SLC12A6: variants seen among roughly 807,000 people sequenced by gnomAD.
The protein encoded by SLC12A6 is K-Cl cotransporter 3.
Under a neutral mutation model 135.3 loss-of-function variants are expected in SLC12A6, and 66 were observed. That is an observed-to-expected ratio of 0.49 (90% CI 0.40 to 0.60). The LOEUF is 0.60. Ranked by LOEUF, SLC12A6 falls within the 20% of genes least tolerant of loss-of-function variation. The pLI is 0.00. For synonymous variants in SLC12A6, 513 were observed against 508.8 expected (o/e 1.01, Z -0.11); for missense variants, 1,058 against 1,452.3 (o/e 0.73, Z 4.41).
intron 2 of SLC12A6, among the ~76,000 whole-genome samples, chr15:34,300,774 A>G (rs1463253917): frequency 7.2e-6 from 1 of 139,036 alleles, no homozygotes; most frequent in East Asian, 2.1e-4. Context: ...CTGGCCTGGG[A>G]GACAGAGTGA....
At chr15:34,262,285 A>G (rs1363661744) in intron 3 of SLC12A6, among the ~76,000 whole-genome samples, 1 of 152,144 alleles carries the variant, frequency 6.6e-6, no homozygotes, top group South Asian at 2.1e-4. Context: ...TCACAAACCA[A>G]TGAGCATACA....
chr15:34,311,545 A>G (rs1888258661), intron 2 of SLC12A6, among the ~76,000 whole-genome samples: 1 of 152,170 alleles, frequency 6.6e-6, no homozygotes, highest in South Asian at 2.1e-4. Context: ...TATTAGTAAA[A>G]AGCTAGGATT....
intron 2 of SLC12A6, among the ~76,000 whole-genome samples, chr15:34,319,770 G>C (rs2644245): frequency 0.34 from 51,988 of 150,734 alleles, 10,993 homozygotes; most frequent in African/African-American, 0.61. Context: ...CTGCACTCCA[G>C]CCTGAGCGAC....
At chr15:34,336,365 A>C in intron 2 of SLC12A6, 45 bp downstream of exon 2, 1 of 1,489,300 alleles carries the variant, frequency 6.7e-7, no homozygotes, top group African/African-American at 1.4e-5. Flanking sequence ...TCTTGGATAA[A>C]GAACCCAGTA....
chr15:34,234,503 C>G (rs905231006), intron 25 of SLC12A6, among the ~76,000 whole-genome samples: 2 of 152,142 alleles, frequency 1.3e-5, no homozygotes, highest in African/African-American at 4.8e-5. Context: ...TCCCGAGTAG[C>G]TGGGATTACA....
rs1020013017 is a variant in SLC12A6, at chr15:34,270,094, T to C, written c.316+5251A>G. ...CTTTACTGACCAGTTCTCAGAATAA[T>C]TGGTTCACTAAATACTCCAATGGTG... On this transcript the variant is annotated intron_variant, in intron 3 of 25. Coordinates refer to ENST00000354181, the MANE Select transcript of SLC12A6 (RefSeq NM_001365088.1). Among the ~76,000 whole-genome samples, 8 of 151,092 alleles carry C rather than the reference T, an allele frequency of 5.3e-5. 1 individual carries two copies. Among genetic ancestry groups the C allele is most frequent in the South Asian group, 2.1e-4 (1 of 4,832 alleles).
intron 2 of SLC12A6, among the ~76,000 whole-genome samples, chr15:34,279,355 A>C (rs893791551): frequency 2.0e-5 from 3 of 152,028 alleles, no homozygotes; most frequent in Non-Finnish European, 2.9e-5. Context: ...AACAAAAAAA[A>C]CAAAGAACTA....
At chr15:34,252,577 A>T (rs1892468127) in intron 9 of SLC12A6, among the ~76,000 whole-genome samples, 193 bp from the exon 10 acceptor site, 1 of 152,162 alleles carries the variant, frequency 6.6e-6, no homozygotes, top group Non-Finnish European at 1.5e-5. Flanking sequence ...TTTTCTGCCA[A>T]TTTAATACTT....
intron 2 of SLC12A6, among the ~76,000 whole-genome samples, chr15:34,277,568 T>C (rs1043518993): frequency 6.6e-6 from 1 of 152,120 alleles, no homozygotes; most frequent in Non-Finnish European, 1.5e-5. Context: ...CCTATCATTA[T>C]GGAGAAACAA....
At chr15:34,305,659 GATA>G (rs1040407032) in intron 2 of SLC12A6, among the ~76,000 whole-genome samples, 2 of 151,900 alleles carry the variant, frequency 1.3e-5, no homozygotes, top group Non-Finnish European at 2.9e-5. Flanking sequence ...GGAGTCAGGT[GATA>G]ATAATTATTT....
In SLC12A6 at chr15:34,254,522, A is replaced by G; in HGVS notation, c.944T>C (p.Leu315Pro). Residue 315 changes from leucine (L) to proline (P), a missense_variant, in exon 9 of 26, where the codon CTA becomes CCA. Leu to Pro is a moderately conservative substitution (Grantham distance 98). Coordinates refer to ENST00000354181, the MANE Select transcript of SLC12A6 (RefSeq NM_001365088.1). ...DDALKESAAM[L>P]NNMRVYGTAF... is the part of the protein sequence containing the mutation. ...TGTGCCGTAGACACGCATGTTATTT[A>G]GCATGGCTGCTGATTCCTTGAGTGC... 1.2e-6 allele frequency: 2 copies of G among 1,612,576 alleles called. No individual in the cohort carries two copies. The highest frequency in any genetic ancestry group is 1.7e-6 in the Non-Finnish European group (2 of 1,178,548).
chr15:34,246,022 C>T (rs182419166), intron 13 of SLC12A6, among the ~76,000 whole-genome samples, 155 bp from the exon 14 acceptor site: 1 of 152,220 alleles, frequency 6.6e-6, no homozygotes, highest in Non-Finnish European at 1.5e-5. Flanking sequence ...AAACTCCGCC[C>T]CCCAAGTTCA....
At position 34,279,109 on chromosome 15, in the gene SLC12A6, G is replaced by A. The variant is rs989969314; in HGVS notation, c.272-3720C>T. Among the ~76,000 whole-genome samples the A allele has an allele frequency of 6.6e-5, 10 of 151,768 alleles. No individual in the cohort carries two copies. In the South Asian group the frequency reaches 1.7e-3, roughly 25 times the overall value. On this transcript the variant is annotated intron_variant, in intron 2 of 25. Transcript: ENST00000354181. Reference sequence around the variant, plus strand: ...AGGCGGGTGGATCATGAGGTCAGGCGTTCAGGACCAGCCTGGCTAACGTGG... The same window carrying A: ...AGGCGGGTGGATCATGAGGTCAGGCATTCAGGACCAGCCTGGCTAACGTGG...
chr15:34,241,293 C>G lies in SLC12A6; in HGVS notation c.2207G>C (p.Ser736Thr), dbSNP rs1428762589. 6.2e-7 allele frequency: 1 copy of G among 1,611,396 alleles called. No individual in the cohort carries two copies. Among genetic ancestry groups the G allele is most frequent in the Non-Finnish European group, 8.5e-7 (1 of 1,177,604 alleles). Residue 736 changes from serine (S) to threonine (T), a missense_variant, in exon 18 of 26, where the codon AGT (serine) becomes ACT (threonine). Coordinates refer to ENST00000354181, the MANE Select transcript of SLC12A6 (RefSeq NM_001365088.1). Reference sequence around the variant, plus strand: ...TCGAAGCAAAGCAAACCGGGCTGCACTGAGGGACAGCCCACGGATACCATC... The same window carrying G: ...TCGAAGCAAAGCAAACCGGGCTGCAGTGAGGGACAGCCCACGGATACCATC... ...WGDGIRGLSLSAARFALLRLE... is the reference protein window; with the variant it reads ...WGDGIRGLSLTAARFALLRLE...
chr15:34,321,491 A>C (rs1295149830), intron 2 of SLC12A6, among the ~76,000 whole-genome samples: 1 of 152,236 alleles, frequency 6.6e-6, no homozygotes, highest in Non-Finnish European at 1.5e-5. Context: ...CAAAAACACC[A>C]AATTTGGCAA....
At chr15:34,277,447 C>A (rs187391242) in intron 2 of SLC12A6, among the ~76,000 whole-genome samples, 2 of 152,140 alleles carry the variant, frequency 1.3e-5, no homozygotes, top group African/African-American at 2.4e-5. Flanking sequence ...CCCAACCCCC[C>A]ACTATATATA....
In SLC12A6 at chr15:34,261,007, CT is replaced by C; in HGVS notation, c.329del (p.Lys110ArgfsTer50). The C allele has an allele frequency of 6.4e-7, 1 of 1,552,652 alleles. No individual in the cohort carries two copies. Among genetic ancestry groups the C allele is most frequent in the Non-Finnish European group, 8.9e-7 (1 of 1,124,294 alleles). On this transcript the variant is annotated frameshift_variant, in exon 4 of 26. Transcript: ENST00000354181. LOFTEE classifies it high-confidence loss of function. ...EHSQLLDDGHKKARNAYLNNS... is the reference protein window; with the variant it reads ...EHSQLLDDGHXKARNAYLNNS... The stretch of plus-strand genomic sequence containing the variant: ...TATTGAGATAAGCATTTCGAGCTTT[CT>C]TATGTCCGTCGTCTGGAAAAAAAAA...
chr15:34,317,395 G>A (rs1210303274), intron 2 of SLC12A6, among the ~76,000 whole-genome samples: 1 of 152,268 alleles, frequency 6.6e-6, no homozygotes, highest in South Asian at 2.1e-4. Context: ...GAGAATCACA[G>A]AATCACGGAA....
intron 5 of SLC12A6, 139 bp downstream of exon 5, chr15:34,258,674 G>A (rs112716447): frequency 2.3e-5 from 18 of 781,332 alleles, no homozygotes; most frequent in Non-Finnish European, 3.9e-5. Flanking sequence ...GTGCTATGAC[G>A]CTGGTGCCCA....
Sources: gnomAD v4.1 joint callset for allele counts (sites outside exome capture counted in the v4.1 genomes callset) on GRCh38, gnomAD v4.1.1 for gene constraint, MANE v1.5 for transcripts, NCBI Gene and HGNC (gene_info 2026-07-23, HGNC 2026-07-21) for gene names.